Variants in STIL observed in about 807,000 individuals in gnomAD.
The protein encoded by STIL is STIL centriolar assembly protein, also known as SCL-interrupting locus protein.
In STIL, 55 loss-of-function variants were observed where a neutral mutation model predicts 110.1. The ratio of observed to expected loss-of-function variants is 0.50; its 90% CI spans 0.40 to 0.63. The LOEUF (loss-of-function observed/expected upper bound fraction) is 0.63, where lower values mean the gene tolerates loss of function less well. STIL is among the 20% of genes least tolerant of loss of function. The pLI, the probability that STIL is intolerant of heterozygous loss-of-function variation, is 0.00. For synonymous variants in STIL, 481 were observed against 530.0 expected (o/e 0.91, Z 1.27); for missense variants, 1,358 against 1,530.0 (o/e 0.89, Z 1.87).
In STIL at chr1:47,304,932, T is replaced by G. The variant is rs1363362666; in HGVS notation, c.109A>C (p.Thr37Pro). 2 of 1,613,924 alleles carry G rather than the reference T, an allele frequency of 1.2e-6. No individual in the cohort carries two copies. The highest frequency in any genetic ancestry group is 1.7e-6 in the Non-Finnish European group (2 of 1,179,984). Residue 37 changes from threonine to proline, a missense_variant, in exon 3 of 17, where the codon ACG (threonine) becomes CCG (proline). Transcript: ENST00000371877. ...AAGTAGATGAAATCTCCAGTTGGCGTTGGGTTCCAAAGTGCACATTTTGAT... is the reference window on the plus strand; with the variant it reads ...AAGTAGATGAAATCTCCAGTTGGCGGTGGGTTCCAAAGTGCACATTTTGAT... Reference protein sequence around the residue: ...PPSKCALWNPTPTGDFIYLHL... With the variant: ...PPSKCALWNPPPTGDFIYLHL...
chr1:47,309,459 G>C (rs1418790203), intron 2 of STIL, among the ~76,000 whole-genome samples: 1 of 151,998 alleles, frequency 6.6e-6, no homozygotes, highest in South Asian at 2.1e-4. Flanking sequence ...AGATGGCAGG[G>C]GGGTAGAACA....
At chr1:47,286,504 C>T (rs1319537051) in intron 10 of STIL, among the ~76,000 whole-genome samples, 2 of 151,424 alleles carry the variant, frequency 1.3e-5, no homozygotes, top group Non-Finnish European at 2.9e-5. Context: ...GTCAAGAGAT[C>T]GAGACCATCC....
intron 7 of STIL, among the ~76,000 whole-genome samples, chr1:47,293,772 CGAGAGAGAGA>C (rs139708051): frequency 4.1e-4 from 61 of 149,656 alleles, no homozygotes; most frequent in Admixed American, 1.6e-3. Flanking sequence ...AGATATATAT[CGAGAGAGAGA>C]GAGAGAAAGA....
At position 47,262,488 on chromosome 1, in the gene STIL, T is replaced by G. The variant is rs150800268; in HGVS notation, c.2829+415A>C. On this transcript the variant is annotated intron_variant, in intron 15 of 16. Coordinates refer to ENST00000371877, the MANE Select transcript of STIL (RefSeq NM_001048166.1). ...GAGTGTCATATTCACCTTTATATTATCGATTTCACTTAGCCTACTGTCTTA... is the reference window on the plus strand; with the variant it reads ...GAGTGTCATATTCACCTTTATATTAGCGATTTCACTTAGCCTACTGTCTTA... 3.5e-3 allele frequency among the ~76,000 whole-genome samples: 530 copies of G among 152,290 alleles called. 5 individuals carry two copies. The highest frequency in any genetic ancestry group is 0.012 in the African/African-American group (510 of 41,558).
chr1:47,280,027 T>C (rs1264553687), intron 12 of STIL, among the ~76,000 whole-genome samples: 1 of 152,208 alleles, frequency 6.6e-6, no homozygotes, highest in Non-Finnish European at 1.5e-5. Context: ...ATGGTTCTAC[T>C]ACTAACTAGC....
chr1:47,254,716 G>A (rs1273251303), intron 16 of STIL, among the ~76,000 whole-genome samples: 2 of 151,826 alleles, frequency 1.3e-5, no homozygotes, highest in South Asian at 4.2e-4. Context: ...TTTTCTTTTT[G>A]TAAAGATGGG....
chr1:47,310,299 A>C lies in STIL; in HGVS notation c.21T>G (p.Phe7Leu), dbSNP rs558562265. 2 of 1,613,138 alleles carry C rather than the reference A, an allele frequency of 1.2e-6. No homozygotes were observed. The highest frequency in any genetic ancestry group is 2.2e-5 in the East Asian group (1 of 44,814). MEPIYPFARPQMNTRFP... is the reference protein window; with the variant it reads MEPIYPLARPQMNTRFP... ...ACCTGGTATTCATCTGGGGCCGTGCAAAAGGATATATAGGCTCCATGATGT... is the reference window on the plus strand; with the variant it reads ...ACCTGGTATTCATCTGGGGCCGTGCCAAAGGATATATAGGCTCCATGATGT... Residue 7 changes from phenylalanine (F) to leucine (L), a missense_variant, in exon 2 of 17, where the codon TTT becomes TTG. Transcript: ENST00000371877.
At chr1:47,260,223 AAAAT>A (rs1457011976) in intron 16 of STIL, 62 bp downstream of exon 16, 9 of 1,459,208 alleles carry the variant, frequency 6.2e-6, no homozygotes, top group East Asian at 2.5e-5. Flanking sequence ...ATGATGGGCA[AAAAT>A]AAATAAAAAT....
chr1:47,300,838 T>G lies in STIL; in HGVS notation c.454-686A>C, dbSNP rs1645783822. ...TGATTCCTTTCTTGTTACCACAAAT[T>G]GTCAAGTTAGTTCTCCCTCTGTATT... On this transcript the variant is annotated intron_variant, in intron 5 of 16. Transcript: ENST00000371877. Among the ~76,000 whole-genome samples the G allele has an allele frequency of 2.0e-5, 3 of 152,178 alleles. No homozygotes were observed. In the South Asian group the frequency reaches 6.2e-4, roughly 31 times the overall value.
At chr1:47,279,727 CAA>C (rs11371469) in intron 12 of STIL, among the ~76,000 whole-genome samples, 3 of 82,826 alleles carry the variant, frequency 3.6e-5, no homozygotes, top group East Asian at 5.0e-4. Context: ...GACTCCGTCT[CAA>C]AAAAAAAAAA....
At chr1:47,288,059 ATATAT>A (rs1282489909) in intron 9 of STIL, among the ~76,000 whole-genome samples, 2 of 148,138 alleles carry the variant, frequency 1.4e-5, no homozygotes, top group South Asian at 2.1e-4. Context: ...AATATAATGT[ATATAT>A]TATAATATTA....
chr1:47,305,595 A>AT (rs1477683531), intron 2 of STIL, among the ~76,000 whole-genome samples: 1 of 149,898 alleles, frequency 6.7e-6, no homozygotes, highest in Non-Finnish European at 1.5e-5. Flanking sequence ...TGCCTGGCTA[A>AT]TTTTTTGTAT....
chr1:47,255,721 C>G (rs1008020674), intron 16 of STIL, among the ~76,000 whole-genome samples: 1 of 152,196 alleles, frequency 6.6e-6, no homozygotes, highest in African/African-American at 2.4e-5. Context: ...CAAAAAGTCA[C>G]TCCAATTGGG....
At chr1:47,268,772 TAAA>T (rs1557719183) in intron 14 of STIL, among the ~76,000 whole-genome samples, 1,614 of 149,690 alleles carry the variant, frequency 0.011, 32 homozygotes, top group African/African-American at 0.038. Context: ...AATAAATAAA[TAAA>T]TAAATAAATA....
intron 2 of STIL, among the ~76,000 whole-genome samples, chr1:47,308,212 G>C (rs376596976): frequency 6.6e-6 from 1 of 152,076 alleles, no homozygotes; most frequent in African/African-American, 2.4e-5. Flanking sequence ...AAAACTTGCT[G>C]GTTTTTGTGG....
rs367777439 is a variant in STIL, at chr1:47,302,227, G to T, written c.265+7C>A. 1.2e-6 allele frequency: 2 copies of T among 1,600,072 alleles called. No individual in the cohort carries two copies. Among genetic ancestry groups the T allele is most frequent in the South Asian group, 1.1e-5 (1 of 90,848 alleles). ...TGAGCACTGGTCCATTTTTAAAAGT[G>T]TATTACCTTCGTCTGCTGTCAGAGA... On this transcript the variant is annotated splice_region_variant and intron_variant, in intron 4 of 16. Transcript: ENST00000371877.
chr1:47,251,216 G>A lies in STIL; in HGVS notation c.3787C>T (p.Leu1263=). The A allele has an allele frequency of 6.2e-7, 1 of 1,612,280 alleles. No individual in the cohort carries two copies. Among genetic ancestry groups the A allele is most frequent in the Non-Finnish European group, 8.5e-7 (1 of 1,179,318 alleles). Reference sequence around the variant, plus strand: ...GAATTCATGCTATTCATCTGCTTTAGCGTTTCAGAAGGTTGCAAACTTTCA... The same window carrying A: ...GAATTCATGCTATTCATCTGCTTTAACGTTTCAGAAGGTTGCAAACTTTCA... ...FPESLQPSET[L]KQMNSMNSVG... is the part of the protein sequence containing the mutation. Residue 1263 remains leucine, a synonymous_variant, in exon 17 of 17, where the codon CTA becomes TTA. Coordinates refer to ENST00000371877, the MANE Select transcript of STIL (RefSeq NM_001048166.1).
At chr1:47,267,866 T>A (rs549495909) in intron 14 of STIL, among the ~76,000 whole-genome samples, 1 of 152,042 alleles carries the variant, frequency 6.6e-6, no homozygotes, top group East Asian at 2.0e-4. Flanking sequence ...TGCACCACCG[T>A]GCCCAGTTAC....
intron 14 of STIL, among the ~76,000 whole-genome samples, chr1:47,266,494 A>T (rs1644657718): frequency 6.6e-6 from 1 of 152,144 alleles, no homozygotes. Context: ...GAGTAGGTGG[A>T]ACTACTACAG....
Sources: allele counts gnomAD v4.1 joint callset (sites outside exome capture counted in the v4.1 genomes callset), GRCh38; gene constraint gnomAD v4.1.1; transcripts MANE v1.5; gene names NCBI Gene and HGNC (gene_info 2026-07-23, HGNC 2026-07-21).